Variants in IKZF1 observed in about 807,000 individuals in gnomAD.
IKZF1 encodes the protein DNA-binding protein Ikaros.
In IKZF1, 10 loss-of-function variants were observed where a neutral mutation model predicts 51.7. That is an observed-to-expected ratio of 0.19 (90% CI 0.12 to 0.33). The LOEUF (loss-of-function observed/expected upper bound fraction) is 0.33. Ranked by LOEUF, IKZF1 falls within the 10% of genes least tolerant of loss-of-function variation. The pLI is 1.00. For synonymous variants in IKZF1, 280 were observed against 282.3 expected (o/e 0.99, Z 0.08); for missense variants, 484 against 707.5 (o/e 0.68, Z 3.58).
intron 7 of IKZF1, among the ~76,000 whole-genome samples, chr7:50,397,720 T>C (rs1817075929): frequency 6.6e-6 from 1 of 152,140 alleles, no homozygotes; most frequent in Non-Finnish European, 1.5e-5. Context: ...AACAAAAAAA[T>C]TGTGTGGTTT....
chr7:50,304,990 A>C (rs1167979991), intron 1 of IKZF1, 68 bp downstream of exon 1: 1 of 152,262 alleles, frequency 6.6e-6, no homozygotes, highest in Admixed American at 6.6e-5. Flanking sequence ...AAAAAAAAAA[A>C]CACAGTAAAG....
chr7:50,401,448 C>G lies in IKZF1; in HGVS notation c.*821C>G, dbSNP rs894577579. Reference sequence around the variant, plus strand: ...GGGAGCCCTGTTCCCCGCTTTTTCACTCCCATACCTTTAATGGCCCCCAAA... The same window carrying G: ...GGGAGCCCTGTTCCCCGCTTTTTCAGTCCCATACCTTTAATGGCCCCCAAA... On this transcript the variant is annotated 3_prime_UTR_variant, in exon 8 of 8. Transcript: ENST00000331340. 3 of 225,942 alleles carry G rather than the reference C, an allele frequency of 1.3e-5. No homozygotes were observed. The highest frequency in any genetic ancestry group is 2.6e-5 in the Non-Finnish European group (3 of 113,386). The allele number at this position is 225,942 out of a possible 1,614,324, so 14.0% of individuals were successfully genotyped here.
chr7:50,345,228 A>G (rs996657914), intron 3 of IKZF1, among the ~76,000 whole-genome samples: 4 of 152,152 alleles, frequency 2.6e-5, no homozygotes, highest in South Asian at 2.1e-4. Context: ...TAAAATATTC[A>G]TGGGTATATA....
At chr7:50,367,705 C>G (rs1045327587) in intron 3 of IKZF1, 8 of 273,202 alleles carry the variant, frequency 2.9e-5, no homozygotes, top group African/African-American at 1.8e-4. Flanking sequence ...AATGGTTTCT[C>G]ACAGTTCTAG....
At position 50,324,760 on chromosome 7, in the gene IKZF1, A is replaced by G. The variant is rs1794418443; in HGVS notation, c.41-2878A>G. Among the ~76,000 whole-genome samples, 3 of 152,140 alleles carry G rather than the reference A, an allele frequency of 2.0e-5. No individual in the cohort carries two copies. In the South Asian group the frequency reaches 6.2e-4, roughly 32 times the overall value. ...GTTTTCTCATAGATACAGCAGTTAAATTTTTTAATAAAAGTAACTAAGAGT... is the reference window on the plus strand; with the variant it reads ...GTTTTCTCATAGATACAGCAGTTAAGTTTTTTAATAAAAGTAACTAAGAGT... On this transcript the variant is annotated intron_variant, in intron 2 of 7. Transcript: ENST00000331340.
At chr7:50,361,196 A>G (rs188394651) in intron 3 of IKZF1, among the ~76,000 whole-genome samples, 153 of 152,200 alleles carry the variant, frequency 1.0e-3, no homozygotes, top group Non-Finnish European at 1.9e-3. Context: ...CTTTTAAAGC[A>G]TGAACCAAGC....
At chr7:50,378,311 A>G (rs1361632968) in intron 4 of IKZF1, among the ~76,000 whole-genome samples, 2 of 152,214 alleles carry the variant, frequency 1.3e-5, no homozygotes, top group African/African-American at 4.8e-5. Context: ...CAAATTACCC[A>G]CTGAAATAGA....
At chr7:50,315,347 C>G (rs1437012096) in intron 1 of IKZF1, among the ~76,000 whole-genome samples, 4 of 152,082 alleles carry the variant, frequency 2.6e-5, no homozygotes, top group Non-Finnish European at 5.9e-5. Context: ...TTTAGACCTC[C>G]CAAGTCAGTG....
chr7:50,355,820 A>T (rs907574670), intron 3 of IKZF1, among the ~76,000 whole-genome samples: 1 of 152,200 alleles, frequency 6.6e-6, no homozygotes, highest in Admixed American at 6.5e-5. Flanking sequence ...CTAGGGAGGC[A>T]GCGTTCCCTG....
chr7:50,327,993 G>C (rs954299537), intron 3 of IKZF1: 1 of 491,042 alleles, frequency 2.0e-6, no homozygotes, highest in African/African-American at 1.9e-5. Context: ...TCCAAGTTGA[G>C]GAGCAATCCT....
In IKZF1 at chr7:50,336,870, G is replaced by A. The variant is rs898453322; in HGVS notation, c.160+9113G>A. 3.3e-5 allele frequency among the ~76,000 whole-genome samples: 5 copies of A among 152,130 alleles called. No homozygotes were observed. In the East Asian group the frequency reaches 9.6e-4, roughly 29 times the overall value. The stretch of plus-strand genomic sequence containing the variant: ...CTGTGGGACACTATCAGCTCAGGAG[G>A]GACAGCCAACAAAACAGCAGGACCA... On this transcript the variant is annotated intron_variant, in intron 3 of 7. Transcript: ENST00000331340.
At chr7:50,310,554 AG>A (rs1789921096) in intron 1 of IKZF1, among the ~76,000 whole-genome samples, 1 of 152,178 alleles carries the variant, frequency 6.6e-6, no homozygotes, top group Non-Finnish European at 1.5e-5. Context: ...CCACAAATAA[AG>A]GACTACAAAA....
intron 3 of IKZF1, among the ~76,000 whole-genome samples, chr7:50,372,837 C>T (rs992638775): frequency 1.3e-5 from 2 of 152,206 alleles, no homozygotes; most frequent in Non-Finnish European, 2.9e-5. Flanking sequence ...TGTGCCTTTT[C>T]GACTAGGAGT....
chr7:50,310,931 T>C (rs1790016513), intron 1 of IKZF1, among the ~76,000 whole-genome samples: 1 of 152,218 alleles, frequency 6.6e-6, no homozygotes, highest in Non-Finnish European at 1.5e-5. Context: ...AAGGTGAATT[T>C]TCAAAGTAAA....
intron 6 of IKZF1, among the ~76,000 whole-genome samples, chr7:50,390,125 A>C (rs531792760): frequency 1.2e-4 from 18 of 152,214 alleles, no homozygotes; most frequent in Non-Finnish European, 1.6e-4. Context: ...TTGGAGGTGC[A>C]TGCATCTAAT....
rs1238567344 is a variant in IKZF1, at chr7:50,304,735, C to G, written c.-202C>G. 1.3e-5 allele frequency: 2 copies of G among 151,860 alleles called. No individual in the cohort carries two copies. The highest frequency in any genetic ancestry group is 2.4e-5 in the African/African-American group (1 of 41,384). The allele number at this position is 151,860 out of a possible 1,614,324, so 9.4% of individuals were successfully genotyped here. On this transcript the variant is annotated 5_prime_UTR_variant, in exon 1 of 8. Coordinates refer to ENST00000331340, the MANE Select transcript of IKZF1 (RefSeq NM_006060.6). ...CAGGACACTCTAACAAGTGACTGCG[C>G]GGCCCGCGCCCGGGGCGGTGACTGC... is the stretch of plus-strand genomic sequence containing the variant.
At chr7:50,332,912 G>T (rs1796728414) in intron 3 of IKZF1, among the ~76,000 whole-genome samples, 1 of 152,120 alleles carries the variant, frequency 6.6e-6, no homozygotes, top group African/African-American at 2.4e-5. Context: ...GTTGGGAGGG[G>T]ATCGCCATGG....
chr7:50,330,144 C>T (rs539323206), intron 3 of IKZF1, among the ~76,000 whole-genome samples: 3 of 152,250 alleles, frequency 2.0e-5, no homozygotes, highest in Admixed American at 1.3e-4. Flanking sequence ...GAGTCAGGGG[C>T]GGGTTTGTCA....
Position 50,363,045 on chromosome 7 carries a change from G to A in IKZF1, c.161-13488G>A, listed in dbSNP as rs75062025. ...GACCTCAGACATAATTTGGCCATGA[G>A]AGGCAAGGGTAGAGGCGAGCCCCCT... is the stretch of plus-strand genomic sequence containing the variant. On this transcript the variant is annotated intron_variant, in intron 3 of 7. Coordinates refer to ENST00000331340, the MANE Select transcript of IKZF1 (RefSeq NM_006060.6). Among the ~76,000 whole-genome samples the A allele has an allele frequency of 7.7e-3, 1,167 of 152,288 alleles. 10 individuals are homozygous for A. Among genetic ancestry groups the A allele is most frequent in the African/African-American group, 0.024 (997 of 41,556 alleles).
Sources: allele counts gnomAD v4.1 joint callset (sites outside exome capture counted in the v4.1 genomes callset), GRCh38; gene constraint gnomAD v4.1.1; transcripts MANE v1.5; gene names NCBI Gene and HGNC (gene_info 2026-07-23, HGNC 2026-07-21).